Variants in NRXN2 observed in about 807,000 individuals in gnomAD.
NRXN2 encodes neurexin 2.
In NRXN2, 29 loss-of-function variants were observed where a neutral mutation model predicts 128.8. That is an observed-to-expected ratio of 0.23 (90% confidence interval 0.17 to 0.31). NRXN2 has a LOEUF of 0.31. NRXN2 is among the 10% of genes least tolerant of loss of function. NRXN2 has a pLI of 1.00. For synonymous variants in NRXN2, 1,098 were observed against 1,075.2 expected, an observed-to-expected ratio of 1.02 and a Z score of -0.41; for missense variants, 1,881 against 2,452.6, an observed-to-expected ratio of 0.77 and a Z score of 4.92.
intron 22 of NRXN2, among the ~76,000 whole-genome samples, chr11:64,611,376 C>A (rs1268606678): frequency 1.3e-5 from 2 of 152,222 alleles, no homozygotes; most frequent in African/African-American, 2.4e-5. Flanking sequence ...TTAGACTGGG[C>A]CACCAGCTGC....
chr11:64,612,611 G>GCCCAACAAAGTTAGC (rs1313722238), intron 22 of NRXN2, among the ~76,000 whole-genome samples: 1 of 152,210 alleles, frequency 6.6e-6, no homozygotes, highest in Non-Finnish European at 1.5e-5. Flanking sequence ...GGGACTGCTG[G>GCCCAACAAAGTTAGC]CCCAACAAAG....
intron 1 of NRXN2, among the ~76,000 whole-genome samples, chr11:64,722,026 C>T (rs1052199575): frequency 4.6e-5 from 7 of 152,068 alleles, no homozygotes; most frequent in Non-Finnish European, 1.0e-4. Flanking sequence ...CACCCCAAAG[C>T]CAATTGTGCC....
At chr11:64,706,440 GC>G (rs2056340135) in intron 2 of NRXN2, among the ~76,000 whole-genome samples, 1 of 149,192 alleles carries the variant, frequency 6.7e-6, no homozygotes, top group Admixed American at 6.8e-5. Context: ...TTTTGTCCTT[GC>G]GATAGTTTGC....
rs963851681 is a variant in NRXN2 at position 64,660,400 on chromosome 11, G to T, written c.2321C>A (p.Ser774Tyr). ...GCGTAGGGTGTCGGCAGACTCCCTG[G>T]AAGTGGTGGCCATCATGAGTCCGTA... The part of the protein sequence containing the change: ...RAYGLMMATT[S>Y]RESADTLRLE... Residue 774 changes from serine to tyrosine, a missense_variant, in exon 11 of 23, where the codon TCC becomes TAC. Transcript: ENST00000265459. This position sits in a 1 kb window ranked among gnomAD's most constrained non-coding sequence, Gnocchi z 5.2. 1.2e-6 allele frequency: 2 copies of T among 1,614,222 alleles called. No individual in the cohort carries two copies. Among genetic ancestry groups the T allele is most frequent in the Non-Finnish European group, 1.7e-6 (2 of 1,180,032 alleles).
In NRXN2 at chr11:64,713,238, G is replaced by A; in HGVS notation, c.462C>T (p.Gly154=). Reference sequence around the variant, plus strand: ...CCGAGAGGCGCACGTCGGGCGGGATGCCGCCCACGAACAGGTCGCTGGCCA... The same window carrying A: ...CCGAGAGGCGCACGTCGGGCGGGATACCGCCCACGAACAGGTCGCTGGCCA... ...MQVASDLFVG[G]IPPDVRLSAL... is the part of the protein sequence containing the mutation. Residue 154 remains glycine (G), a synonymous_variant, in exon 2 of 23, where the codon GGC becomes GGT. Transcript: ENST00000265459. The A allele has an allele frequency of 1.4e-6, 2 of 1,462,490 alleles. No individual in the cohort carries two copies. The highest frequency in any genetic ancestry group is 1.8e-6 in the Non-Finnish European group (2 of 1,110,964). The allele number at this position is 1,462,490 out of a possible 1,614,324, so 90.6% of individuals were successfully genotyped here. A position where few individuals can be genotyped will look rare whatever the true frequency, so the allele number is the denominator to read the frequency against.
chr11:64,607,836 A>T lies in NRXN2; in HGVS notation c.4499T>A (p.Val1500Asp). 6.3e-7 allele frequency: 1 copy of T among 1,597,350 alleles called. No individual in the cohort carries two copies. Among genetic ancestry groups the T allele is most frequent in the Non-Finnish European group, 8.5e-7 (1 of 1,173,348 alleles). The change falls in exon 23 of 23, where the codon GTC (valine) becomes GAC (aspartate). Residue 1500 changes from valine to aspartate, a missense_variant. Physicochemically the swap from Val to Asp is radical, Grantham distance 152. Transcript: ENST00000265459. ...CGTGGGGGGGAGGCTGGAGTCAAAGACCTCCCCGGAGGCGAAGCCCGAGGC... is the reference window on the plus strand; with the variant it reads ...CGTGGGGGGGAGGCTGGAGTCAAAGTCCTCCCCGGAGGCGAAGCCCGAGGC... ...IEASGFASGE[V>D]FDSSLPPTDD...
chr11:64,612,396 A>G (rs1454693058), intron 22 of NRXN2, among the ~76,000 whole-genome samples: 2 of 152,278 alleles, frequency 1.3e-5, no homozygotes, highest in Admixed American at 1.3e-4. Flanking sequence ...CCTCTCCCCA[A>G]CTTCAGGCAG....
chr11:64,713,403 G>A lies in NRXN2; in HGVS notation c.297C>T (p.Ala99=). Residue 99 remains alanine, a synonymous_variant, in exon 2 of 23, where the codon GCC becomes GCT. Transcript: ENST00000265459. ...CCACCGGCGTGTCCAGCTGCAGCGT[G>A]GCCGGCTCGGCGCACGAAAGCGTGA... The part of the protein sequence containing the change: ...LRFTLSCAEP[A]TLQLDTPVAD... 6.7e-7 allele frequency: 1 copy of A among 1,486,022 alleles called. No homozygotes were observed. Among genetic ancestry groups the A allele is most frequent in the East Asian group, 2.9e-5 (1 of 35,026 alleles). The allele number at this position is 1,486,022 out of a possible 1,614,324, so 92.1% of individuals were successfully genotyped here.
chr11:64,676,796 G>A, intron 7 of NRXN2, 197 bp downstream of exon 7: 3 of 619,226 alleles, frequency 4.8e-6, no homozygotes, highest in Non-Finnish European at 8.7e-6. Context: ...TTTCAGTTTG[G>A]ACCAAAAAAG....
intron 2 of NRXN2, among the ~76,000 whole-genome samples, chr11:64,704,329 TA>T (rs1033071261): frequency 2.0e-5 from 3 of 152,066 alleles, no homozygotes; most frequent in Non-Finnish European, 4.4e-5. Flanking sequence ...GAAAAGACTC[TA>T]AACAGCCAAA....
At chr11:64,688,638 C>G (rs1484552836) in intron 5 of NRXN2, 1 of 985,284 alleles carries the variant, frequency 1.0e-6, no homozygotes, top group Non-Finnish European at 1.2e-6. Context: ...AGCGCTTGCA[C>G]AATTACCGCC....
chr11:64,695,748 C>T (rs527852073), intron 3 of NRXN2, among the ~76,000 whole-genome samples: 8 of 151,696 alleles, frequency 5.3e-5, no homozygotes, highest in African/African-American at 1.9e-4. Flanking sequence ...ACACACACAG[C>T]CTCCAATACA....
intron 2 of NRXN2, among the ~76,000 whole-genome samples, chr11:64,708,227 T>C (rs531089975): frequency 6.6e-6 from 1 of 152,130 alleles, no homozygotes; most frequent in African/African-American, 2.4e-5. Context: ...TAAATCACTA[T>C]CACAAAACAC....
Position 64,648,583 on chromosome 11 carries a change from T to C in NRXN2, c.3283+151A>G. 1 of 1,156,458 alleles carries C rather than the reference T, an allele frequency of 8.6e-7. No homozygotes were observed. The highest frequency in any genetic ancestry group is 1.3e-6 in the Non-Finnish European group (1 of 787,212). 71.6% of individuals were successfully genotyped at this position (1,156,458 alleles called of 1,614,324 possible). On this transcript the variant is annotated intron_variant, in intron 16 of 22. Coordinates refer to ENST00000265459, the MANE Select transcript of NRXN2 (RefSeq NM_015080.4). The surrounding 1 kb of genome is among the most constrained non-coding windows in gnomAD (Gnocchi z 4.1). Reference sequence around the variant, plus strand: ...GCAAGTGACCCTTCACACACCTGTATCCCTGCCCCAGAACTGTGGGGGCAA... The same window carrying C: ...GCAAGTGACCCTTCACACACCTGTACCCCTGCCCCAGAACTGTGGGGGCAA...
intron 9 of NRXN2, chr11:64,661,409 C>T: frequency 7.3e-7 from 1 of 1,375,746 alleles, no homozygotes; most frequent in Admixed American, 3.0e-5. Context: ...CCCCTCCTCC[C>T]CACCTCAGCA....
At chr11:64,610,295 C>G (rs968158368) in intron 22 of NRXN2, among the ~76,000 whole-genome samples, 1 of 152,126 alleles carries the variant, frequency 6.6e-6, no homozygotes, top group African/African-American at 2.4e-5. Context: ...AGCAAAGTAG[C>G]ATGTTTTGTG....
intron 22 of NRXN2, 91 bp from the exon 23 acceptor site, chr11:64,608,173 C>T (rs2040011772): frequency 1.0e-6 from 1 of 990,210 alleles, no homozygotes. Flanking sequence ...CAGCCTCACA[C>T]ACCCAAATCG....
At chr11:64,691,042 A>G (rs906918397) in intron 4 of NRXN2, among the ~76,000 whole-genome samples, 1 of 152,014 alleles carries the variant, frequency 6.6e-6, no homozygotes, top group African/African-American at 2.4e-5. Flanking sequence ...GGCTCTCACT[A>G]CACCTTGAGG....
At chr11:64,628,715 C>T (rs1344600601) in intron 19 of NRXN2, among the ~76,000 whole-genome samples, 1 of 152,222 alleles carries the variant, frequency 6.6e-6, no homozygotes. Context: ...AGTATGTGTG[C>T]ATCGGAGAAT....
Sources: allele counts gnomAD v4.1 joint callset (sites outside exome capture counted in the v4.1 genomes callset), GRCh38; gene constraint gnomAD v4.1.1; non-coding constraint Gnocchi (gnomAD v3.1); transcripts MANE v1.5; gene names NCBI Gene and HGNC (gene_info 2026-07-23, HGNC 2026-07-21).